Variants in CLN5 observed in about 807,000 individuals in gnomAD.
CLN5 encodes bis(monoacylglycero)phosphate synthase CLN5.
Under a neutral mutation model 36.7 loss-of-function variants are expected in CLN5, and 34 were observed. The ratio of observed to expected loss-of-function variants is 0.93; its 90% CI spans 0.71 to 1.23. CLN5 has a LOEUF of 1.23. Among genes scored for constraint, CLN5 ranks in the 50% most tolerant of loss-of-function variants. The pLI is 0.00. For missense variants in CLN5, 427 were observed against 439.4 expected (o/e 0.97, Z 0.25); for synonymous variants, 151 against 155.1 (o/e 0.97, Z 0.20).
rs749175734 is a variant in CLN5, at chr13:76,995,146, T to C, written c.257T>C (p.Met86Thr). Residue 86 changes from methionine to threonine, a missense_variant, in exon 2 of 4, where the codon ATG becomes ACG. Met to Thr is a moderately conservative substitution (Grantham distance 81). Transcript: ENST00000377453. ...FCPTGSPIPV[M>T]EGDDDIEVFR... ...CCAACTGGCTCACCTATCCCAGTTA[T>C]GGAGGGTGATGATGACATTGAAGTT... The C allele has an allele frequency of 1.2e-6, 2 of 1,614,058 alleles. 1 individual carries two copies. The highest frequency in any genetic ancestry group is 2.2e-5 in the South Asian group (2 of 91,078).
At chr13:76,999,464 T>G (rs1475599545) in intron 3 of CLN5, 2 of 152,190 alleles carry the variant, frequency 1.3e-5, no homozygotes, top group African/African-American at 4.8e-5. Flanking sequence ...ACATTTCCAG[T>G]TTAGTTGATT....
At chr13:76,997,575 C>T (rs894807402) in intron 3 of CLN5, 1 of 152,242 alleles carries the variant, frequency 6.6e-6, no homozygotes. Flanking sequence ...TGTCTATTTA[C>T]TCTGCTGATT....
rs1462172395 is a variant in CLN5, at chr13:76,992,130, C to T, written c.32C>T (p.Ala11Val). ...CAGGAGGTAGACACGGCACAGGGCG[C>T]CGAGATGCGGCGGGGCGCGGGCGCG... MAQEVDTAQG[A>V]EMRRGAGAAR... Residue 11 changes from alanine (A) to valine (V), a missense_variant, in exon 1 of 4, where the codon GCC becomes GTC. Ala to Val is a moderately conservative substitution (Grantham distance 64). Transcript: ENST00000377453. 2 of 1,610,256 alleles carry T rather than the reference C, an allele frequency of 1.2e-6. No homozygotes were observed. Among genetic ancestry groups the T allele is most frequent in the African/African-American group, 1.3e-5 (1 of 74,658 alleles).
chr13:76,996,034 T>C lies in CLN5; in HGVS notation c.472T>C (p.Trp158Arg), dbSNP rs147065248. The C allele has an allele frequency of 4.3e-6, 7 of 1,614,186 alleles. No individual in the cohort carries two copies. Among genetic ancestry groups the C allele is most frequent in the Non-Finnish European group, 5.9e-6 (7 of 1,180,004 alleles). ...CCGACCTGAAATGGATGCCCCTTTC[T>C]GGTGTAATCAAGGCGCTGCCTGCTT... ...HLRPEMDAPF[W>R]CNQGAACFFE... The change falls in exon 3 of 4, where the codon TGG becomes CGG. Residue 158 changes from tryptophan (W) to arginine (R), a missense_variant. Transcript: ENST00000377453.
At chr13:76,996,208 T>G (rs1227783706) in intron 3 of CLN5, 81 bp downstream of exon 3, 1 of 1,196,260 alleles carries the variant, frequency 8.4e-7, no homozygotes, top group East Asian at 2.3e-5. Flanking sequence ...CATTGAAACA[T>G]TTCAGTAATG....
At chr13:76,995,338 T>C (rs1406368844) in intron 2 of CLN5, 110 bp downstream of exon 2, 2 of 1,006,768 alleles carry the variant, frequency 2.0e-6, no homozygotes, top group East Asian at 4.8e-5. Flanking sequence ...ATCATGTTGG[T>C]GTTTGTCTTA....
At position 77,001,015 on chromosome 13, in the gene CLN5, G is replaced by C. The variant is rs1317711414; in HGVS notation, c.*46G>C. 1 of 1,536,400 alleles carries C rather than the reference G, an allele frequency of 6.5e-7. No individual in the cohort carries two copies. On this transcript the variant is annotated 3_prime_UTR_variant, in exon 4 of 4. Transcript: ENST00000377453. ...CTTTTTTCTCCAATCACCAGCATCT[G>C]TTTTTCAGGGGGTGATTTTACTTTT...
intron 2 of CLN5, 52 bp downstream of exon 2, chr13:76,995,280 T>G: frequency 3.9e-6 from 6 of 1,539,424 alleles, no homozygotes; most frequent in Non-Finnish European, 4.5e-6. Flanking sequence ...GATTTGGTTA[T>G]TAAGTTGATT....
rs1313766137 is a variant in CLN5, at chr13:77,003,300, A to G, written c.*2331A>G. On this transcript the variant is annotated 3_prime_UTR_variant, in exon 4 of 4. Coordinates refer to ENST00000377453, the MANE Select transcript of CLN5 (RefSeq NM_006493.4). ...GCACTCCAGCCTGGGCGACAGAGCG[A>G]GACTCCGTCTCAAAAAAAAAGCATT... is the stretch of plus-strand genomic sequence containing the variant. 6.6e-6 allele frequency: 1 copy of G among 152,214 alleles called. No homozygotes were observed. The highest frequency in any genetic ancestry group is 1.5e-5 in the Non-Finnish European group (1 of 68,054). The allele number at this position is 152,214 out of a possible 1,614,324, so 9.4% of individuals were successfully genotyped here.
At chr13:76,995,027 TAGA>T (rs755898602) in intron 1 of CLN5, 33 bp from the exon 2 acceptor site, 3 of 1,591,992 alleles carry the variant, frequency 1.9e-6, no homozygotes, top group Non-Finnish European at 1.7e-6. Context: ...AGATTCATTT[TAGA>T]ATCTAAGTAG....
chr13:76,999,291 T>C (rs1392680222), intron 3 of CLN5: 1 of 152,202 alleles, frequency 6.6e-6, no homozygotes, highest in Non-Finnish European at 1.5e-5. Flanking sequence ...AGTGACAGGA[T>C]GCAGTGTTTG....
intron 1 of CLN5, chr13:76,993,162 G>T (rs888925014): frequency 6.6e-6 from 1 of 152,222 alleles, no homozygotes. Context: ...AGTTCTGCCT[G>T]CTGCGGGTCA....
At chr13:76,995,804 T>G in intron 2 of CLN5, 98 bp from the exon 3 acceptor site, 6 of 860,536 alleles carry the variant, frequency 7.0e-6, no homozygotes, top group Non-Finnish European at 1.2e-5. Context: ...TTGTTCTACT[T>G]GATATGCATT....
Position 76,995,214 on chromosome 13 carries a change from C to T in CLN5, c.325C>T (p.Leu109Phe). The T allele has an allele frequency of 6.2e-7, 1 of 1,614,016 alleles. No individual in the cohort carries two copies. Among genetic ancestry groups the T allele is most frequent in the Non-Finnish European group, 8.5e-7 (1 of 1,179,962 alleles). ...APVWEFKYGD[L>F]LGHLKIMHDA... ...AGTATGGGAATTTAAATATGGAGAC[C>T]TCCTGGGACACTTGGTAAGGATGCA... Residue 109 changes from leucine to phenylalanine, a missense_variant, in exon 2 of 4, where the codon CTC becomes TTC. Physicochemically the swap from Leu to Phe is conservative, Grantham distance 22. Coordinates refer to ENST00000377453, the MANE Select transcript of CLN5 (RefSeq NM_006493.4).
intron 1 of CLN5, chr13:76,993,935 C>T (rs2034221987): frequency 6.6e-6 from 1 of 152,084 alleles, no homozygotes; most frequent in Non-Finnish European, 1.5e-5. Context: ...TATAGGTGAC[C>T]AGTGTGTCTG....
chr13:76,998,138 T>C (rs1381313377), intron 3 of CLN5: 2 of 152,380 alleles, frequency 1.3e-5, no homozygotes, highest in Non-Finnish European at 1.5e-5. Context: ...TTCTCCTAAC[T>C]ACTTTGATAC....
At position 76,992,227 on chromosome 13, in the gene CLN5, G is replaced by C; in HGVS notation, c.129G>C (p.Arg43=). 1 of 1,596,710 alleles carries C rather than the reference G, an allele frequency of 6.3e-7. No homozygotes were observed. Residue 43 remains arginine, a synonymous_variant, in exon 1 of 4, where the codon CGG becomes CGC. Transcript: ENST00000377453. Reference sequence around the variant, plus strand: ...TCGCGGTGGTTCCGGGCTGGTCCCGGGTCTCGGGCATCCCCTCCCGGCGCC... The same window carrying C: ...TCGCGGTGGTTCCGGGCTGGTCCCGCGTCTCGGGCATCCCCTCCCGGCGCC... ...LWLAVVPGWS[R]VSGIPSRRHW...
chr13:77,000,833 C>G lies in CLN5; in HGVS notation c.941C>G (p.Ala314Gly). The G allele has an allele frequency of 1.2e-6, 2 of 1,608,722 alleles. No individual in the cohort carries two copies. The highest frequency in any genetic ancestry group is 1.7e-6 in the Non-Finnish European group (2 of 1,177,982). The change falls in exon 4 of 4, where the codon GCA (alanine) becomes GGA (glycine). Residue 314 changes from alanine to glycine, a missense_variant. Coordinates refer to ENST00000377453, the MANE Select transcript of CLN5 (RefSeq NM_006493.4). The stretch of plus-strand genomic sequence containing the variant: ...TTGAGTCTCTTGCAAATTTTTGATG[C>G]AGTGATTGTGCACAAACAGTTCTAT... Reference protein sequence around the residue: ...FLLSLLQIFDAVIVHKQFYLF... With the variant: ...FLLSLLQIFDGVIVHKQFYLF...
rs146885902 is a variant in CLN5 at position 77,000,692 on chromosome 13, C to A, written c.800C>A (p.Thr267Asn). The A allele has an allele frequency of 6.2e-7, 1 of 1,613,974 alleles. No individual in the cohort carries two copies. Among genetic ancestry groups the A allele is most frequent in the African/African-American group, 1.3e-5 (1 of 74,908 alleles). The change falls in exon 4 of 4, where the codon ACT becomes AAT. Residue 267 changes from threonine (T) to asparagine (N), a missense_variant. Transcript: ENST00000377453. ...ATATTTCTTTACAGTGGAGAACCTACTTATCTGGGAAATGAAACATCTGTT... is the reference window on the plus strand; with the variant it reads ...ATATTTCTTTACAGTGGAGAACCTAATTATCTGGGAAATGAAACATCTGTT... ...TRIFLYSGEP[T>N]YLGNETSVFG...
Sources: allele counts gnomAD v4.1 joint callset, GRCh38; gene constraint gnomAD v4.1.1; transcripts MANE v1.5; gene names NCBI Gene and HGNC (gene_info 2026-07-23, HGNC 2026-07-21).